Variants in SDK1 observed in about 807,000 individuals in gnomAD.
SDK1 encodes the protein protein sidekick-1.
Under a neutral mutation model 245.5 loss-of-function variants are expected in SDK1, and 157 were observed. The ratio of observed to expected loss-of-function variants is 0.64; its 90% CI spans 0.56 to 0.73. The LOEUF is 0.73. SDK1 is among the 30% of genes least tolerant of loss of function. SDK1 has a pLI of 0.00. For missense variants in SDK1, 3,583 were observed against 3,002.3 expected, an observed-to-expected ratio of 1.19 and a Z score of -4.52; for synonymous variants, 1,647 against 1,278.5, an observed-to-expected ratio of 1.29 and a Z score of -6.15.
In SDK1 at chr7:3,584,645, C is replaced by T. The variant is rs769354339; in HGVS notation, c.299-34435C>T. Among the ~76,000 whole-genome samples the T allele has an allele frequency of 5.3e-5, 8 of 152,196 alleles. No individual in the cohort carries two copies. In the South Asian group the frequency reaches 8.3e-4, roughly 16 times the overall value. The stretch of plus-strand genomic sequence containing the variant: ...GAGAGAACTTTCCAGAGAAGTCGCA[C>T]GTGCTTGGGCGTGTCCGCTGAGTGA... On this transcript the variant is annotated intron_variant, in intron 1 of 44. Transcript: ENST00000404826.
chr7:4,053,934 T>G (rs1243628184), intron 19 of SDK1, among the ~76,000 whole-genome samples: 2 of 152,076 alleles, frequency 1.3e-5, no homozygotes, highest in Admixed American at 1.3e-4. Flanking sequence ...GGTGGTGGTT[T>G]TTTTTGTTGT....
intron 13 of SDK1, among the ~76,000 whole-genome samples, chr7:3,982,677 A>G (rs1783503365): frequency 6.6e-6 from 1 of 152,046 alleles, no homozygotes; most frequent in South Asian, 2.1e-4. Flanking sequence ...CATCTCCACT[A>G]AAAATACAAA....
rs113564665 is a variant in SDK1, at chr7:3,904,849, C to T, written c.848-46074C>T. The stretch of plus-strand genomic sequence containing the variant: ...TCTACTGAAAATACAAAAGATTAGC[C>T]GGGTGTGGTGGTGGGCGCCTGTAGT... On this transcript the variant is annotated intron_variant, in intron 5 of 44. Coordinates refer to ENST00000404826, the MANE Select transcript of SDK1 (RefSeq NM_152744.4). Among the ~76,000 whole-genome samples the T allele has an allele frequency of 6.7e-3, 1,012 of 151,928 alleles. 14 individuals carry two copies. The highest frequency in any genetic ancestry group is 0.022 in the African/African-American group (931 of 41,418).
chr7:3,757,110 C>T (rs1479063960), intron 4 of SDK1, among the ~76,000 whole-genome samples: 2 of 152,142 alleles, frequency 1.3e-5, no homozygotes, highest in African/African-American at 4.8e-5. Context: ...AACCAACTCC[C>T]AGCGTTAGCA....
chr7:3,606,365 C>G (rs888333631), intron 1 of SDK1, among the ~76,000 whole-genome samples: 2 of 152,200 alleles, frequency 1.3e-5, no homozygotes, highest in Non-Finnish European at 2.9e-5. Context: ...GGCTTCAGCA[C>G]TTGTAGCCCA....
chr7:3,775,580 T>TTC (rs1780530371), intron 4 of SDK1, among the ~76,000 whole-genome samples: 1 of 151,438 alleles, frequency 6.6e-6, no homozygotes, highest in Admixed American at 6.6e-5. Context: ...TTTTTCTTTT[T>TTC]TTTTTTTGAG....
At chr7:3,718,740 A>G (rs867716882) in intron 4 of SDK1, among the ~76,000 whole-genome samples, 2 of 151,148 alleles carry the variant, frequency 1.3e-5, no homozygotes, top group Admixed American at 6.6e-5. Flanking sequence ...GAACCAGGCA[A>G]GAATGACCGC....
At chr7:3,371,697 T>TA (rs1325820656) in intron 1 of SDK1, among the ~76,000 whole-genome samples, 1 of 152,054 alleles carries the variant, frequency 6.6e-6, no homozygotes, top group Non-Finnish European at 1.5e-5. Flanking sequence ...GAGAAAAAGA[T>TA]AAAAGTGGGT....
intron 44 of SDK1, among the ~76,000 whole-genome samples, chr7:4,254,810 C>G (rs971624541): frequency 1.3e-5 from 2 of 152,060 alleles, no homozygotes; most frequent in African/African-American, 4.8e-5. Flanking sequence ...GTCCATTTCC[C>G]CTGCACTGTG....
intron 4 of SDK1, among the ~76,000 whole-genome samples, chr7:3,812,444 C>T (rs1379922034): frequency 6.6e-6 from 1 of 152,148 alleles, no homozygotes; most frequent in East Asian, 1.9e-4. Flanking sequence ...CAACTTACCA[C>T]CGCTTGGGTC....
At chr7:3,345,833 C>T (rs1366311668) in intron 1 of SDK1, among the ~76,000 whole-genome samples, 1 of 152,122 alleles carries the variant, frequency 6.6e-6, no homozygotes, top group Non-Finnish European at 1.5e-5. Flanking sequence ...ATGTTTGATC[C>T]TTTATGATGC....
chr7:3,665,983 A>G (rs540638018), intron 4 of SDK1, among the ~76,000 whole-genome samples: 6 of 152,088 alleles, frequency 3.9e-5, no homozygotes, highest in Non-Finnish European at 7.4e-5. Context: ...TCCTATTCCA[A>G]TTAGTCAGGG....
At chr7:3,973,669 T>C (rs1782666780) in intron 12 of SDK1, among the ~76,000 whole-genome samples, 2 of 152,024 alleles carry the variant, frequency 1.3e-5, no homozygotes, top group South Asian at 4.1e-4. Flanking sequence ...TCCAGGAGCA[T>C]TTACCGGGGC....
chr7:3,883,755 G>A (rs566690566), intron 5 of SDK1, among the ~76,000 whole-genome samples: 1 of 141,614 alleles, frequency 7.1e-6, no homozygotes, highest in South Asian at 2.5e-4. Context: ...TTCCTCCACG[G>A]TGGTTCTTGA....
intron 44 of SDK1, among the ~76,000 whole-genome samples, chr7:4,248,840 T>C (rs945744280): frequency 6.6e-6 from 1 of 152,070 alleles, no homozygotes; most frequent in East Asian, 1.9e-4. Context: ...ACATACTACA[T>C]GCATGTACGC....
intron 4 of SDK1, among the ~76,000 whole-genome samples, chr7:3,714,122 A>G (rs1785131883): frequency 6.6e-6 from 1 of 152,172 alleles, no homozygotes; most frequent in African/African-American, 2.4e-5. Flanking sequence ...CCAGGAATTC[A>G]AAACAACAAC....
At chr7:3,435,164 A>AT (rs67660025) in intron 1 of SDK1, among the ~76,000 whole-genome samples, 60 of 146,838 alleles carry the variant, frequency 4.1e-4, no homozygotes, top group African/African-American at 1.1e-3. Context: ...AAGTCTCTGT[A>AT]TTTTTTTTTT....
chr7:4,077,628 A>C (rs1780778791), intron 21 of SDK1, among the ~76,000 whole-genome samples: 1 of 152,224 alleles, frequency 6.6e-6, no homozygotes, highest in South Asian at 2.1e-4. Flanking sequence ...AGGCCTCACA[A>C]TCATGGCGGA....
chr7:3,653,622 T>G (rs540537557), intron 4 of SDK1, among the ~76,000 whole-genome samples: 3 of 152,090 alleles, frequency 2.0e-5, no homozygotes, highest in African/African-American at 7.2e-5. Context: ...AGAACCTCAG[T>G]AGGGAACAGC....
Sources: gnomAD v4.1 joint callset for allele counts (sites outside exome capture counted in the v4.1 genomes callset) on GRCh38, gnomAD v4.1.1 for gene constraint, MANE v1.5 for transcripts, NCBI Gene and HGNC (gene_info 2026-07-23, HGNC 2026-07-21) for gene names.